MEGF11: variants seen among roughly 807,000 people sequenced by gnomAD.
MEGF11 encodes multiple EGF like domains 11.
Under a neutral mutation model 146.6 loss-of-function variants are expected in MEGF11, and 126 were observed. That is an observed-to-expected ratio of 0.86 (90% CI 0.74 to 1.00). The LOEUF is 1.00. Ranked by LOEUF, MEGF11 falls within the 50% of genes least tolerant of loss-of-function variation. The pLI, the probability that MEGF11 is intolerant of heterozygous loss-of-function variation, is 0.00. For missense variants in MEGF11, 1,509 were observed against 1,521.2 expected, an observed-to-expected ratio of 0.99 and a Z score of 0.13; for synonymous variants, 532 against 583.4, an observed-to-expected ratio of 0.91 and a Z score of 1.27.
At chr15:66,222,926 C>T (rs193230231) in intron 1 of MEGF11, among the ~76,000 whole-genome samples, 1 of 152,296 alleles carries the variant, frequency 6.6e-6, no homozygotes, top group East Asian at 1.9e-4. Context: ...GAAAAACAGT[C>T]GTGCAGTTTC....
intron 1 of MEGF11, among the ~76,000 whole-genome samples, chr15:66,227,588 T>C (rs147909379): frequency 6.6e-6 from 1 of 152,128 alleles, no homozygotes; most frequent in Non-Finnish European, 1.5e-5. Flanking sequence ...CCCGCATACC[T>C]GCTTCTCCTG....
At chr15:65,898,150 T>A (rs1840240861) in intron 25 of MEGF11, 56 bp from the exon 26 acceptor site, 1 of 1,548,190 alleles carries the variant, frequency 6.5e-7, no homozygotes, top group Non-Finnish European at 8.7e-7. Context: ...GGTTGCCTTG[T>A]TGGAGAGGAA....
At chr15:66,028,057 TC>T (rs932982292) in intron 5 of MEGF11, among the ~76,000 whole-genome samples, 1 of 152,110 alleles carries the variant, frequency 6.6e-6, no homozygotes, top group Non-Finnish European at 1.5e-5. Context: ...CCCACCAGCT[TC>T]CTCCCAGAGT....
At chr15:66,033,335 TG>T (rs2083604082) in intron 5 of MEGF11, among the ~76,000 whole-genome samples, 5 of 152,154 alleles carry the variant, frequency 3.3e-5, no homozygotes, top group Admixed American at 2.6e-4. Flanking sequence ...AGAATGGTTT[TG>T]GGGGAAGGGC....
chr15:66,079,576 A>T (rs1325900330), intron 5 of MEGF11, among the ~76,000 whole-genome samples: 3 of 141,222 alleles, frequency 2.1e-5, no homozygotes. Flanking sequence ...TCAGGGCTTA[A>T]TCCCCTGTAC....
intron 1 of MEGF11, among the ~76,000 whole-genome samples, chr15:66,204,875 G>A (rs2091260351): frequency 6.6e-6 from 1 of 151,828 alleles, no homozygotes; most frequent in African/African-American, 2.4e-5. Flanking sequence ...GACATTACAT[G>A]TAAAACAAAC....
chr15:66,063,530 CA>C (rs1289709884), intron 5 of MEGF11, among the ~76,000 whole-genome samples: 1 of 152,144 alleles, frequency 6.6e-6, no homozygotes, highest in East Asian at 1.9e-4. Flanking sequence ...AATTCCAGGC[CA>C]TAGTTCCAGC....
chr15:66,155,268 G>A (rs979589629), intron 1 of MEGF11, among the ~76,000 whole-genome samples: 1 of 152,076 alleles, frequency 6.6e-6, no homozygotes, highest in Non-Finnish European at 1.5e-5. Context: ...CCCACCCCCC[G>A]CTATGGGGTA....
intron 1 of MEGF11, among the ~76,000 whole-genome samples, chr15:66,216,062 A>G (rs2091574216): frequency 6.6e-6 from 1 of 152,228 alleles, no homozygotes; most frequent in Non-Finnish European, 1.5e-5. Flanking sequence ...TCATAGCAGA[A>G]CAGGCGCTCA....
At chr15:66,172,770 G>T in intron 1 of MEGF11, among the ~76,000 whole-genome samples, 1 of 152,092 alleles carries the variant, frequency 6.6e-6, no homozygotes, top group East Asian at 1.9e-4. Context: ...GGAACCCTAC[G>T]GGAACCCTGA....
intron 5 of MEGF11, among the ~76,000 whole-genome samples, chr15:66,067,361 T>A (rs1448858914): frequency 1.3e-5 from 2 of 152,238 alleles, no homozygotes; most frequent in African/African-American, 4.8e-5. Context: ...ACTGTCTACA[T>A]CTGTCACCTT....
intron 1 of MEGF11, among the ~76,000 whole-genome samples, chr15:66,202,828 C>T (rs2091199906): frequency 1.3e-5 from 2 of 152,264 alleles, no homozygotes; most frequent in African/African-American, 4.8e-5. Context: ...ATGGTCTGGC[C>T]CATTTGGCAC....
At chr15:66,020,991 C>CAAA (rs35364286) in intron 5 of MEGF11, among the ~76,000 whole-genome samples, 27 of 70,848 alleles carry the variant, frequency 3.8e-4, no homozygotes, top group African/African-American at 1.5e-3. Flanking sequence ...AACTCCATCT[C>CAAA]AAAAAAAAAA....
At chr15:66,062,092 G>A (rs1210678502) in intron 5 of MEGF11, among the ~76,000 whole-genome samples, 1 of 152,208 alleles carries the variant, frequency 6.6e-6, no homozygotes, top group Non-Finnish European at 1.5e-5. Context: ...GATCTGGGAA[G>A]GCCTCTCTGG....
chr15:65,973,596 C>T (rs990511612), intron 7 of MEGF11, among the ~76,000 whole-genome samples: 1 of 151,882 alleles, frequency 6.6e-6, no homozygotes, highest in African/African-American at 2.4e-5. Context: ...TAGCCACTGC[C>T]CTCCAGCCTG....
At chr15:65,947,491 G>T (rs1275048328) in intron 10 of MEGF11, among the ~76,000 whole-genome samples, 4 of 152,182 alleles carry the variant, frequency 2.6e-5, no homozygotes, top group African/African-American at 9.7e-5. Context: ...GCAAAGTGGG[G>T]ATGCTACAGC....
intron 5 of MEGF11, among the ~76,000 whole-genome samples, chr15:66,024,795 C>T (rs929803513): frequency 6.6e-6 from 1 of 152,072 alleles, no homozygotes; most frequent in African/African-American, 2.4e-5. Context: ...AGGGATGGGG[C>T]CGGGACGGGG....
At chr15:66,006,227 C>T (rs111506038) in intron 5 of MEGF11, among the ~76,000 whole-genome samples, 34 of 152,066 alleles carry the variant, frequency 2.2e-4, no homozygotes, top group Non-Finnish European at 2.8e-4. Context: ...ATCAGGAGCC[C>T]GGGGCTCTGG....
At chr15:66,251,534 G>A (rs1163639636) in intron 1 of MEGF11, among the ~76,000 whole-genome samples, 2 of 152,190 alleles carry the variant, frequency 1.3e-5, no homozygotes, top group African/African-American at 4.8e-5. Flanking sequence ...TTTATCCTGG[G>A]AGATGCTCCC....
Sources: allele counts gnomAD v4.1 joint callset (sites outside exome capture counted in the v4.1 genomes callset), GRCh38; gene constraint gnomAD v4.1.1; transcripts MANE v1.5; gene names NCBI Gene and HGNC (gene_info 2026-07-23, HGNC 2026-07-21).